Variants in USP24 observed in about 807,000 individuals in gnomAD.
USP24 encodes the protein ubiquitin specific peptidase 24, also known as ubiquitin carboxyl-terminal hydrolase 24.
In USP24, 97 loss-of-function variants were observed where a neutral mutation model predicts 361.6. The ratio of observed to expected loss-of-function variants is 0.27; its 90% CI spans 0.23 to 0.32. USP24 has a LOEUF of 0.32. Ranked by LOEUF, USP24 falls within the 10% of genes least tolerant of loss-of-function variation. The pLI is 1.00. For synonymous variants in USP24, 1,098 were observed against 1,124.6 expected, an observed-to-expected ratio of 0.98 and a Z score of 0.47; for missense variants, 2,353 against 3,165.6, an observed-to-expected ratio of 0.74 and a Z score of 6.16.
chr1:55,166,392 T>C (rs1472148325), intron 6 of USP24, among the ~76,000 whole-genome samples, 176 bp downstream of exon 6: 3 of 152,134 alleles, frequency 2.0e-5, no homozygotes, highest in South Asian at 4.1e-4. Flanking sequence ...CAAAAGCTGA[T>C]GTTTACCTGC....
In USP24 at chr1:55,144,130, C is replaced by G; in HGVS notation, c.2436G>C (p.Gln812His). 5 of 1,605,408 alleles carry G rather than the reference C, an allele frequency of 3.1e-6. No homozygotes were observed. The highest frequency in any genetic ancestry group is 4.2e-6 in the Non-Finnish European group (5 of 1,176,658). Residue 812 changes from glutamine (Q) to histidine (H), a missense_variant, in exon 21 of 68, where the codon CAG (glutamine) becomes CAC (histidine). By Grantham distance (24) the Gln-to-His change is conservative. This residue lies in a region of USP24 where 949 missense variants were observed against 1,280.5 expected (regional missense o/e 0.74). Transcript: ENST00000294383. The part of the protein sequence containing the change: ...CDHRLKRQGA[Q>H]LYVEKLELIG... ...GATTTGAGAATAACGTACTTACCAA[C>G]TGAGCTCCTTGTCTTTTCAATCGAT...
chr1:55,095,276 T>G lies in USP24; in HGVS notation c.6182A>C (p.Gln2061Pro), dbSNP rs1449369697. The change falls in exon 51 of 68, where the codon CAG (glutamine) becomes CCG (proline). Residue 2061 changes from glutamine to proline, a missense_variant. Around this residue, in one of 8 missense-constraint regions of USP24, gnomAD observed 598 missense variants for 761.9 expected, o/e 0.78. Coordinates refer to ENST00000294383, the MANE Select transcript of USP24 (RefSeq NM_015306.3). ...PKKSRVSVVRQEAEDLSLSAP... is the reference protein window; with the variant it reads ...PKKSRVSVVRPEAEDLSLSAP... ...TTACAGAGAGAGATCCTCAGCTTCC[T>G]GCCGTACAACGCTGACTCGACTTTT... 6.2e-7 allele frequency: 1 copy of G among 1,613,710 alleles called. No individual in the cohort carries two copies. The highest frequency in any genetic ancestry group is 2.2e-5 in the East Asian group (1 of 44,870).
At chr1:55,078,794 C>G (rs1033005689) in intron 60 of USP24, 143 bp from the exon 61 acceptor site, 1 of 582,650 alleles carries the variant, frequency 1.7e-6, no homozygotes, top group Non-Finnish European at 2.9e-6. Flanking sequence ...TGTTAGAAGT[C>G]TATAGATAGA....
Position 55,097,630 on chromosome 1 carries a change from C to T in USP24, c.5683G>A (p.Gly1895Arg), listed in dbSNP as rs1255677923. 3.2e-6 allele frequency: 5 copies of T among 1,579,732 alleles called. No individual in the cohort carries two copies. Among genetic ancestry groups the T allele is most frequent in the Non-Finnish European group, 3.4e-6 (4 of 1,161,648 alleles). The stretch of plus-strand genomic sequence containing the variant: ...TGTTCATCATATTTAATGGAGCGTC[C>T]GCTTTCCCAGTCAAACCCAAATCTC... ...LMRFGFDWESGRSIKYDEQIR... is the reference protein window; with the variant it reads ...LMRFGFDWESRRSIKYDEQIR... The change falls in exon 48 of 68, where the codon GGA (glycine) becomes AGA (arginine). Residue 1895 changes from glycine (G) to arginine (R), a missense_variant. Around this residue, in one of 8 missense-constraint regions of USP24, gnomAD observed 105 missense variants for 200.3 expected, o/e 0.52. Coordinates refer to ENST00000294383, the MANE Select transcript of USP24 (RefSeq NM_015306.3).
intron 55 of USP24, among the ~76,000 whole-genome samples, chr1:55,088,306 G>C (rs2100455990): frequency 6.6e-6 from 1 of 152,338 alleles, no homozygotes; most frequent in South Asian, 2.1e-4. Context: ...GACTGTGATC[G>C]CCTTGTGGGA....
chr1:55,138,450 T>C (rs1270100217), intron 26 of USP24, among the ~76,000 whole-genome samples, 158 bp downstream of exon 26: 1 of 152,192 alleles, frequency 6.6e-6, no homozygotes, highest in Non-Finnish European at 1.5e-5. Flanking sequence ...TATTTATATA[T>C]CTGCTTGTAC....
intron 49 of USP24, 50 bp downstream of exon 49, chr1:55,096,902 G>A (rs752027288): frequency 1.5e-5 from 23 of 1,575,118 alleles, no homozygotes; most frequent in South Asian, 1.3e-4. Context: ...TGATAACGGA[G>A]AGCAGGGGAG....
rs753134470 is a variant in USP24, at chr1:55,147,634, C to T, written c.2118+15G>A. The T allele has an allele frequency of 6.3e-7, 1 of 1,578,006 alleles. No homozygotes were observed. The highest frequency in any genetic ancestry group is 8.6e-7 in the Non-Finnish European group (1 of 1,166,102). On this transcript the variant is annotated intron_variant, in intron 18 of 67. Coordinates refer to ENST00000294383, the MANE Select transcript of USP24 (RefSeq NM_015306.3). ...AATGTTGTAAATCATGAAGCAAAAA[C>T]ACAAGGCCTGATACCTCCCGGTAAG...
intron 42 of USP24, among the ~76,000 whole-genome samples, chr1:55,102,455 G>A (rs1365800324): frequency 6.6e-6 from 1 of 152,156 alleles, no homozygotes; most frequent in Non-Finnish European, 1.5e-5. Flanking sequence ...ACTTTGAAAT[G>A]CTATTCAAAG....
intron 60 of USP24, among the ~76,000 whole-genome samples, chr1:55,079,033 C>T (rs1645087524): frequency 1.3e-5 from 2 of 150,128 alleles, no homozygotes; most frequent in African/African-American, 4.9e-5. Context: ...CATAGATTCA[C>T]ATATCTGTAA....
At chr1:55,144,343 A>G in intron 20 of USP24, 140 bp from the exon 21 acceptor site, 1 of 484,566 alleles carries the variant, frequency 2.1e-6, no homozygotes, top group Non-Finnish European at 3.6e-6. Context: ...AGCAGAAGCA[A>G]CAAAAGAAAA....
chr1:55,187,016 A>G (rs1356340016), intron 1 of USP24, among the ~76,000 whole-genome samples: 1 of 152,204 alleles, frequency 6.6e-6, no homozygotes, highest in Non-Finnish European at 1.5e-5. Context: ...AATCCTTAAC[A>G]ATAAACCAGT....
chr1:55,072,699 C>T (rs1348153560), intron 65 of USP24, 87 bp downstream of exon 65: 1 of 1,283,626 alleles, frequency 7.8e-7, no homozygotes, highest in Non-Finnish European at 1.1e-6. Flanking sequence ...AGGTCAGTCT[C>T]CATATTCAGT....
chr1:55,171,805 G>A (rs1221668797), intron 4 of USP24, 127 bp from the exon 5 acceptor site: 13 of 1,056,078 alleles, frequency 1.2e-5, no homozygotes, highest in East Asian at 5.2e-5. Context: ...AGAATACACC[G>A]AAAGCATACG....
intron 1 of USP24, among the ~76,000 whole-genome samples, chr1:55,180,889 C>CA (rs1470435880): frequency 6.6e-6 from 1 of 152,082 alleles, no homozygotes; most frequent in Non-Finnish European, 1.5e-5. Flanking sequence ...TGGCACCTAG[C>CA]ATAAAGTAGG....
At chr1:55,200,034 C>T (rs997970075) in intron 1 of USP24, among the ~76,000 whole-genome samples, 21 of 152,278 alleles carry the variant, frequency 1.4e-4, no homozygotes, top group African/African-American at 2.6e-4. Flanking sequence ...TTCACCACCA[C>T]GAGAACAATA....
At chr1:55,173,246 C>G (rs1649629530) in intron 3 of USP24, among the ~76,000 whole-genome samples, 1 of 151,776 alleles carries the variant, frequency 6.6e-6, no homozygotes, top group Non-Finnish European at 1.5e-5. Context: ...TTGGTATGTA[C>G]AAAATAATAT....
chr1:55,095,051 T>C lies in USP24; in HGVS notation c.6203+204A>G, dbSNP rs147670651. Among the ~76,000 whole-genome samples the C allele has an allele frequency of 5.0e-3, 756 of 152,284 alleles. 8 individuals are homozygous for C. The highest frequency in any genetic ancestry group is 0.017 in the African/African-American group (719 of 41,554). ...ACTTCAATTCTAGAATGAAATAACT[T>C]ACGTGCATGTTTCTAAATATGTAAC... On this transcript the variant is annotated intron_variant, in intron 51 of 67. Transcript: ENST00000294383.
At chr1:55,123,402 G>C in intron 36 of USP24, 45 bp downstream of exon 36, 2 of 1,465,304 alleles carry the variant, frequency 1.4e-6, no homozygotes, top group Non-Finnish European at 1.8e-6. Flanking sequence ...CAGAAACTTG[G>C]CCTTTCCCTG....
Sources: gnomAD v4.1 joint callset for allele counts (sites outside exome capture counted in the v4.1 genomes callset) on GRCh38, gnomAD v4.1.1 for gene constraint, gnomAD v4.1.1 regional missense constraint, MANE v1.5 for transcripts, NCBI Gene and HGNC (gene_info 2026-07-23, HGNC 2026-07-21) for gene names.